PHACTR4: variants seen among roughly 807,000 people sequenced by gnomAD.
PHACTR4 encodes phosphatase and actin regulator 4, also known as protein phosphatase 1, regulatory subunit 124.
A neutral mutation model predicts 72.7 loss-of-function variants in PHACTR4; 51 were observed. That is an observed-to-expected ratio of 0.70 (90% CI 0.56 to 0.89). The LOEUF (loss-of-function observed/expected upper bound fraction) is 0.89. PHACTR4 is among the 40% of genes least tolerant of loss of function. PHACTR4 has a pLI of 0.00. For synonymous variants in PHACTR4, 255 were observed against 302.5 expected (o/e 0.84, Z 1.63); for missense variants, 731 against 861.8 (o/e 0.85, Z 1.90).
At chr1:28,442,336 T>C (rs1001409070) in intron 2 of PHACTR4, among the ~76,000 whole-genome samples, 1 of 151,476 alleles carries the variant, frequency 6.6e-6, no homozygotes, top group Non-Finnish European at 1.5e-5. Context: ...TGGTGGCGCG[T>C]GCCTGTAGTC....
intron 2 of PHACTR4, among the ~76,000 whole-genome samples, chr1:28,429,710 T>C (rs989926683): frequency 2.0e-5 from 3 of 152,174 alleles, no homozygotes; most frequent in African/African-American, 7.2e-5. Context: ...GTGACAAGCA[T>C]TGAGAGTTTA....
intron 1 of PHACTR4, among the ~76,000 whole-genome samples, chr1:28,404,992 T>G (rs1654218275): frequency 6.6e-6 from 1 of 152,112 alleles, no homozygotes; most frequent in Admixed American, 6.6e-5. Context: ...CTCCCAACAC[T>G]TGTTATTACC....
intron 2 of PHACTR4, among the ~76,000 whole-genome samples, chr1:28,430,150 G>T (rs1489051948): frequency 6.6e-6 from 1 of 151,966 alleles, no homozygotes; most frequent in Non-Finnish European, 1.5e-5. Flanking sequence ...AGCCTCCCGA[G>T]TAGCTGGGAC....
chr1:28,467,577 A>G (rs1020478328), intron 6 of PHACTR4, among the ~76,000 whole-genome samples: 3 of 152,240 alleles, frequency 2.0e-5, no homozygotes, highest in Admixed American at 6.5e-5. Context: ...TATGCCTTCC[A>G]TAAGCATTAA....
At chr1:28,494,345 A>T (rs1360490298) in intron 13 of PHACTR4, 2 of 152,116 alleles carry the variant, frequency 1.3e-5, no homozygotes, top group South Asian at 2.1e-4. Context: ...TCTACAAAAA[A>T]TAAACTTAAA....
At chr1:28,415,440 A>G (rs1255118209) in intron 2 of PHACTR4, among the ~76,000 whole-genome samples, 2 of 152,178 alleles carry the variant, frequency 1.3e-5, no homozygotes, top group African/African-American at 4.8e-5. Flanking sequence ...CTCCCTTTTC[A>G]ACTGCTTATG....
rs1330128823 is a variant in PHACTR4 at position 28,400,528 on chromosome 1, TG to T, written c.-38-6878del. Among the ~76,000 whole-genome samples, 6 of 152,278 alleles carry T rather than the reference TG, an allele frequency of 3.9e-5. No individual in the cohort carries two copies. In the East Asian group the frequency reaches 7.7e-4, roughly 20 times the overall value. ...GTTTTATTAATCAAATGCTAGGAGC[TG>T]GGGAATGGCCAGGCTCATGCCTTCA... On this transcript the variant is annotated intron_variant, in intron 1 of 13. Transcript: ENST00000373839.
At chr1:28,390,874 T>C (rs1375930638) in intron 1 of PHACTR4, among the ~76,000 whole-genome samples, 3 of 151,064 alleles carry the variant, frequency 2.0e-5, no homozygotes, top group Non-Finnish European at 3.0e-5. Context: ...GCAGGCGGAT[T>C]GCTTGAGCCT....
chr1:28,453,833 C>CT, intron 2 of PHACTR4: 1 of 883,032 alleles, frequency 1.1e-6, no homozygotes, highest in East Asian at 2.8e-5. Context: ...GCACAAAAGG[C>CT]TTTTGAAGCT....
At chr1:28,456,499 T>C (rs1422195784) in intron 2 of PHACTR4, among the ~76,000 whole-genome samples, 1 of 152,240 alleles carries the variant, frequency 6.6e-6, no homozygotes, top group Non-Finnish European at 1.5e-5. Context: ...AGTATGGCTC[T>C]GTCGCCCAGG....
At position 28,466,768 on chromosome 1, in the gene PHACTR4, G is replaced by T; in HGVS notation, c.823G>T (p.Ala275Ser). 6.2e-7 allele frequency: 1 copy of T among 1,607,372 alleles called. No homozygotes were observed. Among genetic ancestry groups the T allele is most frequent in the Non-Finnish European group, 8.5e-7 (1 of 1,175,646 alleles). ...PAHRNSNPVI[A>S]ELSQAINSGT... ...TCACAGAAATAGCAACCCTGTCATTGGTAAGTAAGTCTTTAGGCTTCCAGT... is the reference window on the plus strand; with the variant it reads ...TCACAGAAATAGCAACCCTGTCATTTGTAAGTAAGTCTTTAGGCTTCCAGT... Residue 275 changes from alanine to serine, a missense_variant and splice_region_variant, in exon 6 of 14, where the codon GCT becomes TCT. By Grantham distance (99) the Ala-to-Ser change is moderately conservative. Transcript: ENST00000373839.
At chr1:28,386,479 G>A (rs1193491603) in intron 1 of PHACTR4, among the ~76,000 whole-genome samples, 1 of 152,040 alleles carries the variant, frequency 6.6e-6, no homozygotes, top group Non-Finnish European at 1.5e-5. Context: ...GAATATCTTT[G>A]TTAATTTTCT....
intron 2 of PHACTR4, among the ~76,000 whole-genome samples, chr1:28,433,640 TAG>T (rs1656436303): frequency 6.6e-6 from 1 of 151,394 alleles, no homozygotes; most frequent in Admixed American, 6.6e-5. Context: ...GTATTTTTAG[TAG>T]AGACGGAGTT....
At chr1:28,487,027 T>C (rs1166768249) in intron 9 of PHACTR4, among the ~76,000 whole-genome samples, 2 of 151,544 alleles carry the variant, frequency 1.3e-5, no homozygotes, top group Non-Finnish European at 2.9e-5. Context: ...GCCAGCCCAG[T>C]CTCTAAATAA....
rs1330931321 is a variant in PHACTR4 at position 28,497,587 on chromosome 1, A to T, written c.*1038A>T. On this transcript the variant is annotated 3_prime_UTR_variant, in exon 14 of 14. Transcript: ENST00000373839. ...GAGAAAGCATGTATATTTTCTATAT[A>T]CAAAAACAAGAAAGGCGTTTTGAGC... 1 of 151,364 alleles carries T rather than the reference A, an allele frequency of 6.6e-6. No individual in the cohort carries two copies. Among genetic ancestry groups the T allele is most frequent in the Non-Finnish European group, 1.5e-5 (1 of 67,928 alleles). The allele number at this position is 151,364 out of a possible 1,614,324, so 9.4% of individuals were successfully genotyped here.
chr1:28,408,132 ATAAGT>A (rs1654493068), intron 2 of PHACTR4, among the ~76,000 whole-genome samples: 1 of 152,246 alleles, frequency 6.6e-6, no homozygotes, highest in Admixed American at 6.5e-5. Context: ...AAAAAGAAAA[ATAAGT>A]AAATAAACTC....
chr1:28,462,054 C>G (rs1397658526), intron 4 of PHACTR4, among the ~76,000 whole-genome samples: 2 of 151,570 alleles, frequency 1.3e-5, no homozygotes, highest in South Asian at 2.1e-4. Flanking sequence ...CTCTCCCAGG[C>G]TGGAGTGCAG....
At chr1:28,401,407 A>G (rs1435963921) in intron 1 of PHACTR4, among the ~76,000 whole-genome samples, 1 of 150,508 alleles carries the variant, frequency 6.6e-6, no homozygotes, top group Non-Finnish European at 1.5e-5. Flanking sequence ...CCCGAGTTCA[A>G]GCCATTTTCC....
At position 28,474,073 on chromosome 1, in the gene PHACTR4, A is replaced by G. The variant is rs1299379178; in HGVS notation, c.1343A>G (p.Asn448Ser). 1 of 1,614,114 alleles carries G rather than the reference A, an allele frequency of 6.2e-7. No individual in the cohort carries two copies. The highest frequency in any genetic ancestry group is 1.7e-5 in the Admixed American group (1 of 60,000). The part of the protein sequence containing the change: ...SHRAHSLLFE[N>S]SDSFSEDSST... Reference sequence around the variant, plus strand: ...AGAGCTCATTCGTTGCTTTTTGAAAACAGTGACAGCTTTTCTGAGGACAGC... The same window carrying G: ...AGAGCTCATTCGTTGCTTTTTGAAAGCAGTGACAGCTTTTCTGAGGACAGC... The change falls in exon 7 of 14, where the codon AAC becomes AGC. Residue 448 changes from asparagine to serine, a missense_variant. Around this residue, in one of 2 missense-constraint regions of PHACTR4, gnomAD observed 621 missense variants for 676.6 expected, o/e 0.92. Coordinates refer to ENST00000373839, the MANE Select transcript of PHACTR4 (RefSeq NM_001048183.3).
Sources: gnomAD v4.1 joint callset for allele counts (sites outside exome capture counted in the v4.1 genomes callset) on GRCh38, gnomAD v4.1.1 for gene constraint, gnomAD v4.1.1 regional missense constraint, MANE v1.5 for transcripts, NCBI Gene and HGNC (gene_info 2026-07-23, HGNC 2026-07-21) for gene names.